Variants in NOXRED1 observed in about 807,000 individuals in gnomAD.
The protein encoded by NOXRED1 is NADP dependent oxidoreductase domain containing 1.
In NOXRED1, 20 loss-of-function variants were observed where a neutral mutation model predicts 30.4. The ratio of observed to expected loss-of-function variants is 0.66; its 90% CI spans 0.46 to 0.96. The LOEUF (loss-of-function observed/expected upper bound fraction) is 0.96. Ranked by LOEUF, NOXRED1 falls within the 40% of genes least tolerant of loss-of-function variation. The pLI is 0.00. For missense variants in NOXRED1, 374 were observed against 428.0 expected (o/e 0.87, Z 1.11); for synonymous variants, 155 against 168.0 (o/e 0.92, Z 0.60).
At chr14:77,422,572 T>C (rs576124294) in intron 1 of NOXRED1, among the ~76,000 whole-genome samples, 163 bp downstream of exon 1, 4 of 152,304 alleles carry the variant, frequency 2.6e-5, no homozygotes, top group Admixed American at 6.5e-5. Flanking sequence ...TGGTATAGAT[T>C]TTCCTGTCCT....
intron 1 of NOXRED1, 27 bp downstream of exon 1, chr14:77,422,708 C>G: frequency 6.2e-7 from 1 of 1,608,306 alleles, no homozygotes; most frequent in African/African-American, 1.3e-5. Flanking sequence ...TCTTGTCCAT[C>G]TTCCTGAATT....
In NOXRED1 at chr14:77,394,787, A is replaced by T; in HGVS notation, c.924T>A (p.Asp308Glu). 1 of 1,613,536 alleles carries T rather than the reference A, an allele frequency of 6.2e-7. No individual in the cohort carries two copies. The highest frequency in any genetic ancestry group is 8.5e-7 in the Non-Finnish European group (1 of 1,179,512). The change falls in exon 6 of 6, where the codon GAT becomes GAA. Residue 308 changes from aspartate (D) to glutamate (E), a missense_variant. By Grantham distance (45) the Asp-to-Glu change is conservative (BLOSUM62 2). Transcript: ENST00000380835. ...TTTCCTTGAGTTGCACAGCAGTCAG[A>T]TCAAACCAGGGGAAAGGCCTGAGGT... ...LSQERPFPWFDLTAVQLKETP... is the reference protein window; with the variant it reads ...LSQERPFPWFELTAVQLKETP...
At chr14:77,396,248 C>CTT (rs35292349) in intron 5 of NOXRED1, among the ~76,000 whole-genome samples, 20,488 of 130,980 alleles carry the variant, frequency 0.16, 1,992 homozygotes, top group Middle Eastern at 0.24. Flanking sequence ...TCCAAGGAAT[C>CTT]TTTTTTTTTT....
rs1026439322 is a variant in NOXRED1, at chr14:77,423,216, T to C, written c.-327A>G. ...AGGCACTGTTTTCGGCAGATGAATT[T>C]ACAACAGCAATTGAGTTTTACAGGT... On this transcript the variant is annotated 5_prime_UTR_variant, in exon 1 of 6. The change abolishes the stop of an existing upstream ORF in the 5' untranslated region. Transcript: ENST00000380835. Among the ~76,000 whole-genome samples, 1 of 152,212 alleles carries C rather than the reference T, an allele frequency of 6.6e-6. No homozygotes were observed. The highest frequency in any genetic ancestry group is 2.4e-5 in the African/African-American group (1 of 41,460).
chr14:77,400,392 A>G (rs903290793), intron 5 of NOXRED1, among the ~76,000 whole-genome samples: 6 of 152,194 alleles, frequency 3.9e-5, no homozygotes, highest in African/African-American at 1.4e-4. Context: ...TAGAAAGTTT[A>G]TTTTGCCGAG....
intron 1 of NOXRED1, among the ~76,000 whole-genome samples, chr14:77,415,112 G>T (rs1007378727): frequency 6.6e-6 from 1 of 151,898 alleles, no homozygotes; most frequent in African/African-American, 2.4e-5. Context: ...GGAGTTTGAG[G>T]CTGCAGTGAG....
rs149755286 is a variant in NOXRED1, at chr14:77,413,996, A to C, written c.287T>G (p.Leu96Arg). 28 of 1,611,244 alleles carry C rather than the reference A, an allele frequency of 1.7e-5. No individual in the cohort carries two copies. The highest frequency in any genetic ancestry group is 2.4e-5 in the Non-Finnish European group (28 of 1,178,134). The change falls in exon 2 of 6, where the codon CTG (leucine) becomes CGG (arginine). Residue 96 changes from leucine (L) to arginine (R), a missense_variant. Coordinates refer to ENST00000380835, the MANE Select transcript of NOXRED1 (RefSeq NM_001113475.3). Reference protein sequence around the residue: ...HLGKQLAGTLLQLGPIPAESL... With the variant: ...HLGKQLAGTLRQLGPIPAESL... ...TTCAGCAGGGATGGGGCCAAGCTGC[A>C]GCAGTGTGCCAGCCAGCTGCTTCCC...
intron 4 of NOXRED1, 166 bp downstream of exon 4, chr14:77,406,558 C>T (rs1272269705): frequency 1.3e-6 from 1 of 791,418 alleles, no homozygotes; most frequent in Non-Finnish European, 2.2e-6. Flanking sequence ...CTCAGCTCTT[C>T]CTAAGTAGCT....
chr14:77,419,753 G>T (rs1304007219), intron 1 of NOXRED1, among the ~76,000 whole-genome samples: 2 of 150,010 alleles, frequency 1.3e-5, no homozygotes, highest in Non-Finnish European at 3.0e-5. Flanking sequence ...TGACCAACAG[G>T]TTTTTTTTTT....
chr14:77,424,398 C>A (rs1010529090), upstream of NOXRED1, among the ~76,000 whole-genome samples: 1 of 152,020 alleles, frequency 6.6e-6, no homozygotes, highest in South Asian at 2.1e-4. Flanking sequence ...GGGAGATGGA[C>A]GTTGGTTGCA....
At chr14:77,406,590 TACACACACACACACACACAC>T (rs56942412) in intron 4 of NOXRED1, 114 bp downstream of exon 4, 44 of 773,532 alleles carry the variant, frequency 5.7e-5, no homozygotes, top group South Asian at 1.5e-4. Context: ...CCTTGTGCCT[TACACACACACACACACACAC>T]ACACACACAC....
intron 1 of NOXRED1, among the ~76,000 whole-genome samples, chr14:77,419,275 G>A (rs1210598633): frequency 2.0e-5 from 3 of 151,158 alleles, no homozygotes; most frequent in South Asian, 2.1e-4. Flanking sequence ...GTTTCACCAC[G>A]TTGGCCAGGC....
At position 77,416,676 on chromosome 14, in the gene NOXRED1, A is replaced by G. The variant is rs997295692; in HGVS notation, c.156-2549T>C. Among the ~76,000 whole-genome samples the G allele has an allele frequency of 1.2e-4, 19 of 152,148 alleles. No individual in the cohort carries two copies. In the East Asian group the frequency reaches 2.5e-3, roughly 20 times the overall value. ...CCTTCCCCCCTTTCTATTCCACAAA[A>G]CCGCCATTGTCATCATGGCCCGTTC... On this transcript the variant is annotated intron_variant, in intron 1 of 5. Transcript: ENST00000380835.
intron 2 of NOXRED1, among the ~76,000 whole-genome samples, chr14:77,408,892 A>ATTTTTTTTTTT (rs1177680524): frequency 0.09 from 6,144 of 68,022 alleles, 1,182 homozygotes; most frequent in East Asian, 0.25. Context: ...CTGGTAGTTA[A>ATTTTTTTTTTT]TTTTTTTTTT....
intron 5 of NOXRED1, among the ~76,000 whole-genome samples, chr14:77,396,735 A>G (rs1216358082): frequency 6.6e-6 from 1 of 152,244 alleles, no homozygotes; most frequent in Non-Finnish European, 1.5e-5. Flanking sequence ...AAATCCAATA[A>G]AACATGTACA....
intron 1 of NOXRED1, among the ~76,000 whole-genome samples, chr14:77,416,370 C>G (rs1420283987): frequency 6.6e-6 from 1 of 152,052 alleles, no homozygotes; most frequent in East Asian, 1.9e-4. Flanking sequence ...TGTTTGTGTC[C>G]CTGGGTACTT....
intron 2 of NOXRED1, among the ~76,000 whole-genome samples, chr14:77,412,830 C>T (rs765399176): frequency 6.0e-5 from 9 of 150,972 alleles, no homozygotes; most frequent in Admixed American, 2.0e-4. Flanking sequence ...TTAAACGATA[C>T]GAGAATATGC....
At chr14:77,419,427 GTTTT>G (rs34015054) in intron 1 of NOXRED1, among the ~76,000 whole-genome samples, 1 of 132,934 alleles carries the variant, frequency 7.5e-6, no homozygotes, top group African/African-American at 2.8e-5. Flanking sequence ...TGGTTGACAG[GTTTT>G]TTTTTTTCTT....
At chr14:77,405,394 C>CAAAAT (rs771075112) in intron 5 of NOXRED1, among the ~76,000 whole-genome samples, 6 of 151,686 alleles carry the variant, frequency 4.0e-5, no homozygotes, top group Admixed American at 1.3e-4. Flanking sequence ...GACTGTCTCA[C>CAAAAT]AAAATAAAAT....
Sources: allele counts gnomAD v4.1 joint callset (sites outside exome capture counted in the v4.1 genomes callset), GRCh38; gene constraint gnomAD v4.1.1; transcripts MANE v1.5; gene names NCBI Gene and HGNC (gene_info 2026-07-23, HGNC 2026-07-21).